Variants in NRXN1 observed in about 807,000 individuals in gnomAD.
The protein encoded by NRXN1 is neurexin-1.
In NRXN1, 39 loss-of-function variants were observed where a neutral mutation model predicts 150.9. The ratio of observed to expected loss-of-function variants is 0.26; its 90% CI spans 0.20 to 0.34. NRXN1 has a LOEUF of 0.34. NRXN1 is among the 10% of genes least tolerant of loss of function. The pLI is 1.00. For synonymous variants in NRXN1, 924 were observed against 757.0 expected (o/e 1.22, Z -3.62); for missense variants, 1,815 against 1,949.9 (o/e 0.93, Z 1.30).
At chr2:50,486,414 G>A (rs1397247881) in intron 15 of NRXN1, among the ~76,000 whole-genome samples, 2 of 152,166 alleles carry the variant, frequency 1.3e-5, no homozygotes, top group East Asian at 3.9e-4. Context: ...ACATGTCGCA[G>A]CCAAAAGACA....
intron 17 of NRXN1, among the ~76,000 whole-genome samples, chr2:50,420,282 T>G (rs1241458164): frequency 6.6e-6 from 1 of 152,000 alleles, no homozygotes; most frequent in African/African-American, 2.4e-5. Flanking sequence ...AAAGTACTCA[T>G]TATTAATAGA....
At chr2:50,290,426 A>G (rs1453674894) in intron 17 of NRXN1, among the ~76,000 whole-genome samples, 2 of 152,194 alleles carry the variant, frequency 1.3e-5, no homozygotes, top group South Asian at 4.1e-4. Context: ...AACATTTTTG[A>G]AAGTTATTTG....
chr2:50,885,301 G>C (rs1271643784), intron 5 of NRXN1, among the ~76,000 whole-genome samples: 2 of 150,070 alleles, frequency 1.3e-5, no homozygotes, highest in African/African-American at 4.9e-5. Flanking sequence ...CTATATCTTA[G>C]AAACATGTTT....
intron 5 of NRXN1, among the ~76,000 whole-genome samples, chr2:50,830,659 T>A (rs545010077): frequency 6.6e-6 from 1 of 151,178 alleles, no homozygotes; most frequent in Admixed American, 6.6e-5. Context: ...CAGAACTTTA[T>A]GGCATTCACC....
intron 19 of NRXN1, among the ~76,000 whole-genome samples, chr2:50,074,322 G>A (rs1047880582): frequency 1.4e-4 from 22 of 152,128 alleles, no homozygotes; most frequent in African/African-American, 4.3e-4. Context: ...TAAATCTCAC[G>A]AAATCTTGCT....
chr2:51,018,811 T>G (rs1195189116), intron 2 of NRXN1, among the ~76,000 whole-genome samples: 2 of 152,076 alleles, frequency 1.3e-5, no homozygotes, highest in Admixed American at 1.3e-4. Context: ...AAGTTTTTCA[T>G]CAAAAGGACA....
intron 17 of NRXN1, among the ~76,000 whole-genome samples, chr2:50,252,233 C>CTTTTTTTTTTTTTTTTTTTTTTTTTTT (rs55993018): frequency 2.1e-5 from 2 of 94,918 alleles, no homozygotes; most frequent in Non-Finnish European, 1.9e-5. Context: ...ACATTTTGTC[C>CTTTTTTTTTTTTTTTTTTTTTTTTTTT]TTTTTTTTTT....
chr2:50,085,220 A>G (rs1393987970), intron 19 of NRXN1, among the ~76,000 whole-genome samples: 1 of 152,212 alleles, frequency 6.6e-6, no homozygotes, highest in Admixed American at 6.5e-5. Context: ...CCAGAAAAAA[A>G]ATGCTTTGAC....
intron 17 of NRXN1, among the ~76,000 whole-genome samples, chr2:50,256,980 G>C (rs2067763727): frequency 6.6e-6 from 1 of 152,042 alleles, no homozygotes; most frequent in Non-Finnish European, 1.5e-5. Context: ...TGTGTTGAGA[G>C]ATGAGTATTT....
chr2:50,862,133 C>A (rs1559364284), intron 5 of NRXN1, among the ~76,000 whole-genome samples: 1 of 147,736 alleles, frequency 6.8e-6, no homozygotes, highest in Non-Finnish European at 1.5e-5. Context: ...ACCAGGGAGG[C>A]AGAGGTTTCA....
Position 49,921,749 on chromosome 2 carries a change from G to GT in NRXN1, c.*194dup, listed in dbSNP as rs1206814474. The GT allele has an allele frequency of 3.3e-6, 2 of 610,268 alleles. No homozygotes were observed. Among genetic ancestry groups the GT allele is most frequent in the Non-Finnish European group, 5.6e-6 (2 of 360,190 alleles). The allele number at this position is 610,268 out of a possible 1,614,324, so 37.8% of individuals were successfully genotyped here. A position where few individuals can be genotyped will look rare whatever the true frequency, so the allele number is the denominator to read the frequency against. On this transcript the variant is annotated 3_prime_UTR_variant, in exon 23 of 23. Coordinates refer to ENST00000401669, the MANE Select transcript of NRXN1 (RefSeq NM_001330078.2). ...GGGAATTTATTGGCCCCTGTTTTTTGTTTTTTGTTTTTCTTTTTTGAGAAA... is the reference window on the plus strand; with the variant it reads ...GGGAATTTATTGGCCCCTGTTTTTTGTTTTTTTGTTTTTCTTTTTTGAGAAA...
At chr2:50,602,646 CCTTT>C (rs1676467493) in intron 8 of NRXN1, among the ~76,000 whole-genome samples, 1 of 152,070 alleles carries the variant, frequency 6.6e-6, no homozygotes, top group Non-Finnish European at 1.5e-5. Context: ...TTCTTCCCTT[CCTTT>C]CTTTTAAAAT....
At chr2:50,137,990 T>C (rs193297540) in intron 18 of NRXN1, among the ~76,000 whole-genome samples, 1 of 152,318 alleles carries the variant, frequency 6.6e-6, no homozygotes. Flanking sequence ...TGGACTTGTA[T>C]AATTTTAATG....
intron 19 of NRXN1, among the ~76,000 whole-genome samples, chr2:50,066,077 T>A (rs1695314726): frequency 6.6e-6 from 1 of 152,154 alleles, no homozygotes; most frequent in African/African-American, 2.4e-5. Flanking sequence ...TACACATATC[T>A]CATGTTCCAA....
intron 19 of NRXN1, among the ~76,000 whole-genome samples, chr2:50,064,671 A>G (rs1026917224): frequency 6.6e-6 from 1 of 152,180 alleles, no homozygotes; most frequent in Non-Finnish European, 1.5e-5. Context: ...CATCGTATTA[A>G]TCTTTTACTA....
rs189939501 is a variant in NRXN1, at chr2:50,884,808, G to C, written c.832+37061C>G. The stretch of plus-strand genomic sequence containing the variant: ...TTGTTTAATGGAGTTTACCAGCTGA[G>C]AACATACTGTTTTTTAAAAAAAAAA... On this transcript the variant is annotated intron_variant, in intron 5 of 22. Transcript: ENST00000401669. Among the ~76,000 whole-genome samples, 249 of 150,112 alleles carry C rather than the reference G, an allele frequency of 1.7e-3. 1 individual carries two copies. Among genetic ancestry groups the C allele is most frequent in the South Asian group, 0.012 (55 of 4,738 alleles).
chr2:50,487,689 G>A (rs1021552467), intron 15 of NRXN1, among the ~76,000 whole-genome samples: 11 of 152,120 alleles, frequency 7.2e-5, no homozygotes, highest in African/African-American at 7.2e-5. Context: ...TTCTTCTGGC[G>A]GGGACTGTGT....
At chr2:50,464,108 A>G (rs993550863) in intron 17 of NRXN1, 1 of 151,816 alleles carries the variant, frequency 6.6e-6, no homozygotes, top group Non-Finnish European at 1.5e-5. Flanking sequence ...AGTTGTTTAT[A>G]TAACTCAAAA....
chr2:50,957,446 G>A (rs1388678577), intron 2 of NRXN1, among the ~76,000 whole-genome samples: 1 of 152,144 alleles, frequency 6.6e-6, no homozygotes, highest in African/African-American at 2.4e-5. Flanking sequence ...CATTTACTGA[G>A]TAGAGGCCAA....
Sources: allele counts gnomAD v4.1 joint callset (sites outside exome capture counted in the v4.1 genomes callset), GRCh38; gene constraint gnomAD v4.1.1; transcripts MANE v1.5; gene names NCBI Gene and HGNC (gene_info 2026-07-23, HGNC 2026-07-21).